The following STARD7 variants were observed in gnomAD, a reference collection of about 807,000 sequenced individuals.
The protein encoded by STARD7 is stAR-related lipid transfer protein 7, mitochondrial.
A neutral mutation model predicts 45.3 loss-of-function variants in STARD7; 30 were observed. The observed-to-expected ratio is 0.66, with a 90% CI of 0.50 to 0.90. The LOEUF (loss-of-function observed/expected upper bound fraction) is 0.90, where lower values mean the gene tolerates loss of function less well. Ranked by LOEUF, STARD7 falls within the 40% of genes least tolerant of loss-of-function variation. The pLI is 0.00. For missense variants in STARD7, 495 were observed against 491.3 expected (o/e 1.01, Z -0.07); for synonymous variants, 199 against 183.0 (o/e 1.09, Z -0.70).
At position 96,192,482 on chromosome 2, in the gene STARD7, A is replaced by C. The variant is rs375070355; in HGVS notation, c.744-14T>G. On this transcript the variant is annotated splice_polypyrimidine_tract_variant and intron_variant, in intron 5 of 7. Coordinates refer to ENST00000337288, the MANE Select transcript of STARD7 (RefSeq NM_020151.4). ...TGCTCCACAGCACTGGTAAGGAGGAAAGGAGAAGCAAACTCTTAGTAATGT... is the reference window on the plus strand; with the variant it reads ...TGCTCCACAGCACTGGTAAGGAGGACAGGAGAAGCAAACTCTTAGTAATGT... 410 of 1,597,364 alleles carry C rather than the reference A, an allele frequency of 2.6e-4. No homozygotes were observed. Among genetic ancestry groups the C allele is most frequent in the Admixed American group, 7.2e-4 (43 of 59,970 alleles).
intron 6 of STARD7, among the ~76,000 whole-genome samples, chr2:96,191,348 G>T (rs1471941075): frequency 6.6e-6 from 1 of 152,160 alleles, no homozygotes; most frequent in Non-Finnish European, 1.5e-5. Flanking sequence ...GATGGATACA[G>T]GGGGTTCATT....
Position 96,186,136 on chromosome 2 carries a change from AAC to A in STARD7, c.*592_*593del, listed in dbSNP as rs1683033382. On this transcript the variant is annotated 3_prime_UTR_variant, in exon 8 of 8. Coordinates refer to ENST00000337288, the MANE Select transcript of STARD7 (RefSeq NM_020151.4). ...CCAGGAGTTCAAGACCAGCCTGGGA[AAC>A]AGAGTGAAACTCCATCTCTACTTAA... is the stretch of plus-strand genomic sequence containing the variant. The A allele has an allele frequency of 6.6e-6, 1 of 152,410 alleles. No individual in the cohort carries two copies. The allele number at this position is 152,410 out of a possible 1,614,324, so 9.4% of individuals were successfully genotyped here.
intron 6 of STARD7, 77 bp from the exon 7 acceptor site, chr2:96,187,378 C>T (rs1336506655): frequency 2.2e-6 from 2 of 903,462 alleles, no homozygotes; most frequent in Non-Finnish European, 3.6e-6. Context: ...CATAGAATAA[C>T]TATGATCTGA....
Position 96,195,233 on chromosome 2 carries a change from G to A in STARD7, c.499+108C>T, listed in dbSNP as rs2276651. On this transcript the variant is annotated intron_variant, in intron 2 of 7. Coordinates refer to ENST00000337288, the MANE Select transcript of STARD7 (RefSeq NM_020151.4). The stretch of plus-strand genomic sequence containing the variant: ...AGAAAAACAATAAACAAAAAACTAC[G>A]GCAAATTTTCTGAGAAACAACCAGA... 14,597 of 1,063,160 alleles carry A rather than the reference G, an allele frequency of 0.014. 1,095 individuals carry two copies. The East Asian group carries it at 0.2, about 14-fold the overall frequency. 65.9% of individuals were successfully genotyped at this position (1,063,160 alleles called of 1,614,324 possible).
At position 96,195,026 on chromosome 2, in the gene STARD7, A is replaced by C. The variant is rs768005139; in HGVS notation, c.500-19T>G. The C allele has an allele frequency of 6.3e-7, 1 of 1,599,702 alleles. No homozygotes were observed. Among genetic ancestry groups the C allele is most frequent in the Non-Finnish European group, 8.5e-7 (1 of 1,172,256 alleles). On this transcript the variant is annotated intron_variant, in intron 2 of 7. Coordinates refer to ENST00000337288, the MANE Select transcript of STARD7 (RefSeq NM_020151.4). ...CCAAAAACTAGAATGAAAAGAAAGA[A>C]TAAGGGATGCTGGCCATACTCCAGT...
chr2:96,203,639 G>A (rs956855297), intron 1 of STARD7, among the ~76,000 whole-genome samples: 3 of 152,094 alleles, frequency 2.0e-5, no homozygotes, highest in Admixed American at 2.0e-4. Flanking sequence ...TCAAAGTCAG[G>A]TTCTACTGAT....
Position 96,197,104 on chromosome 2 carries a change from A to ACT in STARD7, c.291-1556_291-1555insAG, listed in dbSNP as rs1558735868. Among the ~76,000 whole-genome samples, 90 of 142,520 alleles carry ACT rather than the reference A, an allele frequency of 6.3e-4. 12 individuals carry two copies. In the East Asian group the frequency reaches 8.4e-3, roughly 13 times the overall value. The allele number at this position is 142,520 out of a possible 152,430, so 93.5% of individuals were successfully genotyped here. A position where few individuals can be genotyped will look rare whatever the true frequency, so the allele number is the denominator to read the frequency against. On this transcript the variant is annotated intron_variant, in intron 1 of 7. Transcript: ENST00000337288. ...AATAAAATAAAATAAAATAAAATAA[A>ACT]ATAAAATAAAATAAAATAAAGCCAA...
In STARD7 at chr2:96,203,379, T is replaced by C. The variant is rs970463977; in HGVS notation, c.290+4766A>G. On this transcript the variant is annotated intron_variant, in intron 1 of 7. Transcript: ENST00000337288. ...AAAAGAGAGACCATGCCTTTCTTTC[T>C]CCAAAACGAAAATCATTTCAATATC... is the stretch of plus-strand genomic sequence containing the variant. Among the ~76,000 whole-genome samples, 4 of 152,270 alleles carry C rather than the reference T, an allele frequency of 2.6e-5. No individual in the cohort carries two copies. The East Asian group carries it at 5.8e-4, about 22-fold the overall frequency.
At chr2:96,204,191 C>T (rs906486012) in intron 1 of STARD7, among the ~76,000 whole-genome samples, 4 of 151,658 alleles carry the variant, frequency 2.6e-5, no homozygotes, top group Admixed American at 6.6e-5. Flanking sequence ...ACCAGGGAGG[C>T]GGAGGCTGCG....
chr2:96,197,116 T>TAACATAACATAACATA (rs1683232791), intron 1 of STARD7, among the ~76,000 whole-genome samples: 1 of 136,174 alleles, frequency 7.3e-6, no homozygotes, highest in African/African-American at 2.7e-5. Context: ...TAAAATAAAA[T>TAACATAACATAACATA]AAAATAAAGC....
At chr2:96,204,168 G>C (rs80298700) in intron 1 of STARD7, among the ~76,000 whole-genome samples, 3 of 152,136 alleles carry the variant, frequency 2.0e-5, no homozygotes, top group Non-Finnish European at 4.4e-5. Context: ...GCTGAGGCAC[G>C]AGAATAGCTG....
chr2:96,202,983 T>C (rs1001638064), intron 1 of STARD7, among the ~76,000 whole-genome samples: 2 of 152,220 alleles, frequency 1.3e-5, no homozygotes, highest in Non-Finnish European at 2.9e-5. Flanking sequence ...TGGCTTTGAC[T>C]AAAATTATGA....
intron 6 of STARD7, among the ~76,000 whole-genome samples, chr2:96,189,884 C>T (rs746433096): frequency 3.3e-5 from 5 of 151,940 alleles, no homozygotes; most frequent in Non-Finnish European, 4.4e-5. Context: ...TTCTACAGTA[C>T]AGGGAAAGAC....
At chr2:96,187,563 AAAC>A in intron 6 of STARD7, 1 of 343,268 alleles carries the variant, frequency 2.9e-6, no homozygotes, top group Non-Finnish European at 5.4e-6. Flanking sequence ...TAGACTATGC[AAAC>A]AACGTGGTTT....
chr2:96,187,018 T>A, intron 7 of STARD7, 104 bp from the exon 8 acceptor site: 1 of 1,137,070 alleles, frequency 8.8e-7, no homozygotes, highest in Non-Finnish European at 1.2e-6. Context: ...TTCTTCCTTA[T>A]AAAGATCACA....
In STARD7 at chr2:96,186,739, C is replaced by T. The variant is rs2104165373; in HGVS notation, c.1104G>A (p.Glu368=). Residue 368 remains glutamate (E), a synonymous_variant, in exon 8 of 8, where the codon GAG becomes GAA. Coordinates refer to ENST00000337288, the MANE Select transcript of STARD7 (RefSeq NM_020151.4). ...NEGSCGPARI[E]YA ...CTTATCCCAAAGCCTGTCAAGCATACTCAATCCGAGCAGGGCCACAGCTGC... is the reference window on the plus strand; with the variant it reads ...CTTATCCCAAAGCCTGTCAAGCATATTCAATCCGAGCAGGGCCACAGCTGC... 2 of 1,609,240 alleles carry T rather than the reference C, an allele frequency of 1.2e-6. No individual in the cohort carries two copies. Among genetic ancestry groups the T allele is most frequent in the East Asian group, 2.2e-5 (1 of 44,824 alleles).
Position 96,208,698 on chromosome 2 carries a change from G to C in STARD7, c.-264C>G, listed in dbSNP as rs577325068. The C allele has an allele frequency of 1.7e-4, 75 of 429,504 alleles. No individual in the cohort carries two copies. Among genetic ancestry groups the C allele is most frequent in the African/African-American group, 1.5e-3 (72 of 48,952 alleles). 26.6% of individuals were successfully genotyped at this position (429,504 alleles called of 1,614,324 possible). On this transcript the variant is annotated 5_prime_UTR_variant, in exon 1 of 8. Coordinates refer to ENST00000337288, the MANE Select transcript of STARD7 (RefSeq NM_020151.4). ...ACTCCTGGGCCCGGGCAGCAGACCA[G>C]TCAGCCCTGTGGCTCCTCGGCGACC...
chr2:96,204,949 A>G (rs900245843), intron 1 of STARD7, among the ~76,000 whole-genome samples: 25 of 152,182 alleles, frequency 1.6e-4, no homozygotes, highest in Non-Finnish European at 3.5e-4. Flanking sequence ...TTAAAAAACT[A>G]TGAGGAGGTT....
chr2:96,197,520 C>T (rs1026147055), intron 1 of STARD7, among the ~76,000 whole-genome samples: 4 of 152,116 alleles, frequency 2.6e-5, no homozygotes, highest in African/African-American at 4.8e-5. Flanking sequence ...ATCTTTTGTC[C>T]GTTTTTTATT....
Sources: allele counts gnomAD v4.1 joint callset (sites outside exome capture counted in the v4.1 genomes callset), GRCh38; gene constraint gnomAD v4.1.1; transcripts MANE v1.5; gene names NCBI Gene and HGNC (gene_info 2026-07-23, HGNC 2026-07-21).